The following DAAM2 variants were observed in gnomAD, a reference collection of about 807,000 sequenced individuals.
DAAM2 encodes dishevelled associated activator of morphogenesis 2.
In DAAM2, 39 loss-of-function variants were observed where a neutral mutation model predicts 120.7. That is an observed-to-expected ratio of 0.32 (90% CI 0.25 to 0.42). The LOEUF (loss-of-function observed/expected upper bound fraction) is 0.42, where lower values mean the gene tolerates loss of function less well. DAAM2 is among the 10% of genes least tolerant of loss of function. The pLI, the probability that DAAM2 is intolerant of heterozygous loss-of-function variation, is 1.00. For synonymous variants in DAAM2, 488 were observed against 524.9 expected (o/e 0.93, Z 0.96); for missense variants, 1,283 against 1,401.7 (o/e 0.92, Z 1.35).
At chr6:39,855,064 T>C (rs1582679789) in intron 1 of DAAM2, among the ~76,000 whole-genome samples, 1 of 152,210 alleles carries the variant, frequency 6.6e-6, no homozygotes, top group South Asian at 2.1e-4. Flanking sequence ...AAACCGATGA[T>C]ACTCAACAGG....
At chr6:39,807,806 T>C (rs1762052147) in intron 1 of DAAM2, among the ~76,000 whole-genome samples, 1 of 152,212 alleles carries the variant, frequency 6.6e-6, no homozygotes, top group Non-Finnish European at 1.5e-5. Context: ...CTTGAGCCAC[T>C]GCACCAGGCC....
chr6:39,864,892 T>G, intron 4 of DAAM2, 88 bp from the exon 5 acceptor site: 1 of 1,514,142 alleles, frequency 6.6e-7, no homozygotes, highest in Non-Finnish European at 9.0e-7. Flanking sequence ...TCACCCTTTC[T>G]GAGGCAAGCA....
chr6:39,810,642 A>AT (rs1434490512), intron 1 of DAAM2, among the ~76,000 whole-genome samples: 9 of 151,354 alleles, frequency 5.9e-5, no homozygotes, highest in East Asian at 1.9e-4. Flanking sequence ...GAAGAGCCCC[A>AT]TTTTTTTGCC....
At chr6:39,856,873 G>A (rs1764027876) in intron 2 of DAAM2, among the ~76,000 whole-genome samples, 1 of 152,226 alleles carries the variant, frequency 6.6e-6, no homozygotes, top group Admixed American at 6.5e-5. Flanking sequence ...GCACAAAGAA[G>A]GGACAGAGTG....
At chr6:39,895,967 T>G (rs756945168) in intron 19 of DAAM2, among the ~76,000 whole-genome samples, 1 of 152,130 alleles carries the variant, frequency 6.6e-6, no homozygotes, top group African/African-American at 2.4e-5. Context: ...CACTATCAAC[T>G]GAAAAGCATG....
At chr6:39,898,979 C>T (rs1766302336) in intron 22 of DAAM2, 42 bp downstream of exon 22, 1 of 1,524,994 alleles carries the variant, frequency 6.6e-7, no homozygotes, top group African/African-American at 1.4e-5. Context: ...GGGCTGCTGT[C>T]AGCAAACACT....
intron 14 of DAAM2, among the ~76,000 whole-genome samples, chr6:39,881,340 G>A (rs553449540): frequency 6.6e-6 from 1 of 152,238 alleles, no homozygotes; most frequent in East Asian, 1.9e-4. Context: ...CCAATGCCAA[G>A]CTTTTAATTG....
intron 1 of DAAM2, among the ~76,000 whole-genome samples, chr6:39,802,449 A>T (rs953794440): frequency 1.3e-5 from 2 of 152,222 alleles, no homozygotes; most frequent in African/African-American, 2.4e-5. Context: ...TTGGTTAAAA[A>T]AAAAGAAAAA....
Position 39,897,736 on chromosome 6 carries a change from G to A in DAAM2, c.2618+454G>A, listed in dbSNP as rs537184046. Reference sequence around the variant, plus strand: ...CATTAGCACCTTAAATCTCCACCTAGGGGTGTGTTTTTTTACTATTATATG... The same window carrying A: ...CATTAGCACCTTAAATCTCCACCTAAGGGTGTGTTTTTTTACTATTATATG... On this transcript the variant is annotated intron_variant, in intron 21 of 24. Transcript: ENST00000274867. Among the ~76,000 whole-genome samples, 3 of 152,046 alleles carry A rather than the reference G, an allele frequency of 2.0e-5. No individual in the cohort carries two copies. The South Asian group carries it at 6.2e-4, about 32-fold the overall frequency.
chr6:39,889,469 T>C lies in DAAM2; in HGVS notation c.2145+706T>C, dbSNP rs138470079. Among the ~76,000 whole-genome samples the C allele has an allele frequency of 2.6e-5, 4 of 152,304 alleles. No homozygotes were observed. The East Asian group carries it at 7.7e-4, about 29-fold the overall frequency. Reference sequence around the variant, plus strand: ...CAATTGGAATTCTCATTTGGCACAATTATTTTGGAAAACTACTTGGAAGTA... The same window carrying C: ...CAATTGGAATTCTCATTTGGCACAACTATTTTGGAAAACTACTTGGAAGTA... On this transcript the variant is annotated intron_variant, in intron 17 of 24. Transcript: ENST00000274867.
chr6:39,883,097 C>T (rs1235748347), intron 14 of DAAM2, among the ~76,000 whole-genome samples: 1 of 151,862 alleles, frequency 6.6e-6, no homozygotes, highest in East Asian at 1.9e-4. Flanking sequence ...GGTGGGGATT[C>T]CTGAGAGGGG....
intron 15 of DAAM2, chr6:39,887,255 G>A (rs1765430841): frequency 4.3e-6 from 2 of 469,596 alleles, no homozygotes; most frequent in Admixed American, 3.7e-5. Flanking sequence ...AAAATAGGAA[G>A]GGGGGCTTCT....
chr6:39,875,160 T>G (rs1471488698), intron 10 of DAAM2, among the ~76,000 whole-genome samples, 170 bp from the exon 11 acceptor site: 2 of 152,142 alleles, frequency 1.3e-5, no homozygotes, highest in Admixed American at 1.3e-4. Flanking sequence ...GATGACTGAA[T>G]CAGTGAGTTG....
At chr6:39,839,464 A>C (rs1052730489) in intron 1 of DAAM2, among the ~76,000 whole-genome samples, 2 of 152,154 alleles carry the variant, frequency 1.3e-5, no homozygotes, top group African/African-American at 4.8e-5. Context: ...AAATTGAGAG[A>C]AGAGAGCTGG....
intron 1 of DAAM2, among the ~76,000 whole-genome samples, chr6:39,842,835 G>C (rs1206821420): frequency 6.6e-6 from 1 of 151,744 alleles, no homozygotes; most frequent in Admixed American, 6.6e-5. Context: ...AGAGAAGAGG[G>C]GGAGGAAGCA....
intron 1 of DAAM2, among the ~76,000 whole-genome samples, chr6:39,827,548 G>A (rs1368587082): frequency 1.3e-5 from 2 of 152,116 alleles, no homozygotes; most frequent in East Asian, 3.9e-4. Flanking sequence ...CTCACGCCTT[G>A]GCTCTGTGTG....
intron 3 of DAAM2, chr6:39,861,259 T>A: frequency 5.5e-6 from 3 of 545,888 alleles, no homozygotes; most frequent in South Asian, 3.6e-5. Context: ...ATCCCAGGAC[T>A]GGGGCTTGCT....
chr6:39,824,962 T>G (rs1164858608), intron 1 of DAAM2, among the ~76,000 whole-genome samples: 2 of 152,144 alleles, frequency 1.3e-5, no homozygotes, highest in Non-Finnish European at 2.9e-5. Flanking sequence ...ACTGTCTAAC[T>G]CCTGGAGGAG....
intron 16 of DAAM2, 33 bp downstream of exon 16, chr6:39,887,625 C>A: frequency 2.0e-6 from 3 of 1,483,720 alleles, no homozygotes; most frequent in Admixed American, 1.7e-5. Context: ...GAGTTGGATG[C>A]CTGGGGGACA....
Sources: allele counts gnomAD v4.1 joint callset (sites outside exome capture counted in the v4.1 genomes callset), GRCh38; gene constraint gnomAD v4.1.1; transcripts MANE v1.5; gene names NCBI Gene and HGNC (gene_info 2026-07-23, HGNC 2026-07-21).